SNX14: variants seen among roughly 807,000 people sequenced by gnomAD.
The protein encoded by SNX14 is sorting nexin-14.
SNX14 carries 93 observed loss-of-function variants against 133.8 expected under a neutral mutation model. That is an observed-to-expected ratio of 0.70 (90% confidence interval 0.59 to 0.83). The LOEUF (loss-of-function observed/expected upper bound fraction) is 0.83. Ranked by LOEUF, SNX14 falls within the 40% of genes least tolerant of loss-of-function variation. SNX14 has a pLI of 0.00. For synonymous variants in SNX14, 368 were observed against 365.6 expected (o/e 1.01, Z -0.07); for missense variants, 945 against 1,094.9 (o/e 0.86, Z 1.93).
At position 85,526,180 on chromosome 6, in the gene SNX14, G is replaced by A. The variant is rs898767758; in HGVS notation, c.2053C>T (p.Pro685Ser). ...AGAAATTGTGTTTCCCCACCATTAGGGGAAAGAAAGTCTGCCAGAAGTTGA... is the reference window on the plus strand; with the variant it reads ...AGAAATTGTGTTTCCCCACCATTAGAGGAAAGAAAGTCTGCCAGAAGTTGA... ...NSQLLADFLSPNGGETQFLDK... is the reference protein window; with the variant it reads ...NSQLLADFLSSNGGETQFLDK... The change falls in exon 21 of 29, where the codon CCT becomes TCT. Residue 685 changes from proline (P) to serine (S), a missense_variant. Pro to Ser is a moderately conservative substitution (Grantham distance 74). This residue lies in a region of SNX14 where 412 missense variants were observed against 516.6 expected (regional missense o/e 0.80). Coordinates refer to ENST00000314673, the MANE Select transcript of SNX14 (RefSeq NM_153816.6). The A allele has an allele frequency of 1.2e-6, 2 of 1,608,344 alleles. No homozygotes were observed. The highest frequency in any genetic ancestry group is 2.7e-5 in the African/African-American group (2 of 74,630).
chr6:85,541,628 C>G (rs1184242142), intron 15 of SNX14, among the ~76,000 whole-genome samples: 2 of 152,092 alleles, frequency 1.3e-5, no homozygotes, highest in East Asian at 3.9e-4. Flanking sequence ...CTTTTGTACC[C>G]AGTAAGCACT....
At chr6:85,572,399 T>C (rs1795931393) in intron 2 of SNX14, 25 bp from the exon 3 acceptor site, 1 of 1,534,832 alleles carries the variant, frequency 6.5e-7, no homozygotes, top group Admixed American at 1.9e-5. Context: ...TGAGAGGTGG[T>C]GGGGAGATCC....
chr6:85,541,473 T>C (rs1783737536), intron 15 of SNX14, among the ~76,000 whole-genome samples: 1 of 152,184 alleles, frequency 6.6e-6, no homozygotes, highest in Non-Finnish European at 1.5e-5. Context: ...TTTGTACATG[T>C]AACCTTGCAA....
intron 6 of SNX14, among the ~76,000 whole-genome samples, chr6:85,562,582 C>CTTTTTTTTTT (rs201175458): frequency 1.6e-4 from 15 of 94,846 alleles, no homozygotes; most frequent in African/African-American, 2.9e-4. Flanking sequence ...ACTTTTTGGG[C>CTTTTTTTTTT]TTTTTTTTTT....
chr6:85,571,751 C>T (rs1312558891), intron 4 of SNX14, among the ~76,000 whole-genome samples: 2 of 152,188 alleles, frequency 1.3e-5, no homozygotes, highest in African/African-American at 4.8e-5. Context: ...CCATTCCCTA[C>T]TCTACCCTTC....
chr6:85,516,295 G>A (rs558761235), intron 23 of SNX14, among the ~76,000 whole-genome samples: 46 of 152,118 alleles, frequency 3.0e-4, no homozygotes, highest in African/African-American at 1.1e-3. Context: ...ACCTTTACAT[G>A]TTATAAGCTC....
At chr6:85,519,763 G>A (rs1481270825) in intron 21 of SNX14, among the ~76,000 whole-genome samples, 1 of 152,150 alleles carries the variant, frequency 6.6e-6, no homozygotes, top group East Asian at 1.9e-4. Context: ...CAGCTACTAA[G>A]GAGACCAAGG....
intron 7 of SNX14, among the ~76,000 whole-genome samples, chr6:85,552,283 G>A (rs1449680084): frequency 1.3e-5 from 2 of 151,956 alleles, no homozygotes; most frequent in Non-Finnish European, 2.9e-5. Context: ...TGATCCGCCC[G>A]CCTCGGCCTC....
chr6:85,582,552 G>A (rs1243167148), intron 1 of SNX14, among the ~76,000 whole-genome samples: 1 of 151,302 alleles, frequency 6.6e-6, no homozygotes, highest in African/African-American at 2.4e-5. Context: ...ATAAAGAAGA[G>A]AGAGAAGAAT....
intron 23 of SNX14, 108 bp from the exon 24 acceptor site, chr6:85,514,737 A>G (rs1774209832): frequency 9.0e-7 from 1 of 1,105,798 alleles, no homozygotes; most frequent in Non-Finnish European, 1.3e-6. Context: ...ACTTTTTCCA[A>G]TCAAAACAGA....
intron 6 of SNX14, among the ~76,000 whole-genome samples, chr6:85,558,554 C>T (rs563154144): frequency 7.9e-5 from 12 of 152,242 alleles, no homozygotes; most frequent in East Asian, 7.7e-4. Flanking sequence ...CTCAGTCTCC[C>T]GGGCTCAGGT....
chr6:85,587,467 T>C (rs1399900363), intron 1 of SNX14, among the ~76,000 whole-genome samples: 1 of 152,158 alleles, frequency 6.6e-6, no homozygotes, highest in Non-Finnish European at 1.5e-5. Flanking sequence ...TAAAATAACT[T>C]TTAAAAAATT....
chr6:85,523,863 A>G (rs1777693516), intron 21 of SNX14, among the ~76,000 whole-genome samples: 1 of 152,238 alleles, frequency 6.6e-6, no homozygotes, highest in Non-Finnish European at 1.5e-5. Flanking sequence ...CATTAACAGA[A>G]TTACACGTTG....
intron 1 of SNX14, among the ~76,000 whole-genome samples, chr6:85,574,759 T>C (rs1252560915): frequency 6.6e-6 from 1 of 152,018 alleles, no homozygotes; most frequent in East Asian, 1.9e-4. Context: ...TAGACAGAGG[T>C]AGGCCCTGGG....
At chr6:85,543,398 C>A in intron 13 of SNX14, 92 bp from the exon 14 acceptor site, 2 of 1,240,692 alleles carry the variant, frequency 1.6e-6, no homozygotes, top group South Asian at 1.7e-5. Context: ...CTGAAACACA[C>A]TAGATTGAGA....
At chr6:85,527,892 A>G (rs1779002656) in intron 20 of SNX14, among the ~76,000 whole-genome samples, 1 of 152,282 alleles carries the variant, frequency 6.6e-6, no homozygotes, top group South Asian at 2.1e-4. Context: ...CACAAAAATC[A>G]AACAGAAAAC....
At chr6:85,548,570 C>A (rs1467466327) in intron 8 of SNX14, among the ~76,000 whole-genome samples, 194 bp from the exon 9 acceptor site, 1 of 152,052 alleles carries the variant, frequency 6.6e-6, no homozygotes, top group African/African-American at 2.4e-5. Flanking sequence ...GCAGAACACA[C>A]GTTGAATAGC....
Position 85,567,515 on chromosome 6 carries a change from T to C in SNX14, c.461+19A>G, listed in dbSNP as rs2128175877. 6.6e-7 allele frequency: 1 copy of C among 1,504,298 alleles called. No homozygotes were observed. Among genetic ancestry groups the C allele is most frequent in the East Asian group, 2.5e-5 (1 of 39,360 alleles). 93.2% of individuals were successfully genotyped at this position (1,504,298 alleles called of 1,614,324 possible). A position where few individuals can be genotyped will look rare whatever the true frequency, so the allele number is the denominator to read the frequency against. On this transcript the variant is annotated intron_variant, in intron 5 of 28. Coordinates refer to ENST00000314673, the MANE Select transcript of SNX14 (RefSeq NM_153816.6). The stretch of plus-strand genomic sequence containing the variant: ...ATTCACTGTATCACAGAAAAAAAGA[T>C]CTTATAGAAAGAACATACCTGTACC...
At chr6:85,554,296 A>C (rs1200383965) in intron 7 of SNX14, among the ~76,000 whole-genome samples, 4 of 151,948 alleles carry the variant, frequency 2.6e-5, no homozygotes, top group Non-Finnish European at 5.9e-5. Flanking sequence ...TATATTTCAT[A>C]TACACACATG....
Sources: allele counts gnomAD v4.1 joint callset (sites outside exome capture counted in the v4.1 genomes callset), GRCh38; gene constraint gnomAD v4.1.1; regional missense constraint gnomAD v4.1.1; transcripts MANE v1.5; gene names NCBI Gene and HGNC (gene_info 2026-07-23, HGNC 2026-07-21).